Variants in ASAP1 observed in about 807,000 individuals in gnomAD.
ASAP1 encodes the protein arf-GAP with SH3 domain, ANK repeat and PH domain-containing protein 1.
Under a neutral mutation model 145.2 loss-of-function variants are expected in ASAP1, and 43 were observed. The observed-to-expected ratio is 0.30, with a 90% CI of 0.23 to 0.38. The LOEUF (loss-of-function observed/expected upper bound fraction) is 0.38. ASAP1 is among the 10% of genes least tolerant of loss of function. ASAP1 has a pLI of 1.00. For synonymous variants in ASAP1, 546 were observed against 515.5 expected, an observed-to-expected ratio of 1.06 and a Z score of -0.80; for missense variants, 1,018 against 1,355.3, an observed-to-expected ratio of 0.75 and a Z score of 3.91.
In ASAP1 at chr8:130,347,150, A is replaced by C. The variant is rs77269502; in HGVS notation, c.186+10867T>G. 4.6e-5 allele frequency among the ~76,000 whole-genome samples: 7 copies of C among 152,366 alleles called. No homozygotes were observed. In the East Asian group the frequency reaches 9.6e-4, roughly 21 times the overall value. On this transcript the variant is annotated intron_variant, in intron 3 of 29. Transcript: ENST00000518721. ...GCCTGGTCTTCCATCCATCCTGGAT[A>C]TCTACGGAAAGATTATTCAAGGAGC...
intron 4 of ASAP1, among the ~76,000 whole-genome samples, chr8:130,219,930 C>T (rs1250032707): frequency 6.6e-6 from 1 of 152,158 alleles, no homozygotes; most frequent in Non-Finnish European, 1.5e-5. Context: ...GCTGGGACTA[C>T]AGGCACATGC....
At chr8:130,300,176 A>AGC (rs1324094074) in intron 3 of ASAP1, among the ~76,000 whole-genome samples, 25 of 149,442 alleles carry the variant, frequency 1.7e-4, no homozygotes, top group Middle Eastern at 3.4e-3. Context: ...AGAGAGAGAG[A>AGC]GAGAGAGAGA....
chr8:130,141,963 C>T (rs1184438789), intron 13 of ASAP1, among the ~76,000 whole-genome samples: 1 of 152,178 alleles, frequency 6.6e-6, no homozygotes, highest in Admixed American at 6.5e-5. Flanking sequence ...AGTGATCCTC[C>T]TGCCTCAGCC....
chr8:130,195,728 C>G (rs761180746), intron 5 of ASAP1, among the ~76,000 whole-genome samples: 1 of 152,154 alleles, frequency 6.6e-6, no homozygotes, highest in African/African-American at 2.4e-5. Flanking sequence ...CTTAAGGAAG[C>G]AAGTGACTGT....
intron 5 of ASAP1, among the ~76,000 whole-genome samples, chr8:130,200,703 C>T (rs527574819): frequency 6.6e-6 from 1 of 152,224 alleles, no homozygotes; most frequent in South Asian, 2.1e-4. Flanking sequence ...TTTCTCCCTA[C>T]ATTTTCTGAG....
intron 2 of ASAP1, among the ~76,000 whole-genome samples, chr8:130,384,674 G>T (rs1473966427): frequency 6.6e-6 from 1 of 152,098 alleles, no homozygotes; most frequent in Admixed American, 6.6e-5. Flanking sequence ...TAGAGATGGG[G>T]TTTCACCATG....
chr8:130,358,638 G>C lies in ASAP1; in HGVS notation c.60-495C>G, dbSNP rs1326295329. 1.4e-5 allele frequency among the ~76,000 whole-genome samples: 2 copies of C among 147,096 alleles called. No homozygotes were observed. Among genetic ancestry groups the C allele is most frequent in the African/African-American group, 2.4e-5 (1 of 40,890 alleles). Reference sequence around the variant, plus strand: ...GCGGGCGGGCGGGCGGGCGGCGCTCGCGCTGCAGTCACGGGGCCAAACAAG... The same window carrying C: ...GCGGGCGGGCGGGCGGGCGGCGCTCCCGCTGCAGTCACGGGGCCAAACAAG... On this transcript the variant is annotated intron_variant, in intron 2 of 29. Transcript: ENST00000518721. The surrounding 1 kb of genome is among the most constrained non-coding windows in gnomAD (Gnocchi z 4.1).
At chr8:130,072,160 T>A (rs1188204101) in intron 27 of ASAP1, among the ~76,000 whole-genome samples, 1 of 152,244 alleles carries the variant, frequency 6.6e-6, no homozygotes, top group Non-Finnish European at 1.5e-5. Flanking sequence ...CAGGGTTCAG[T>A]GAGCCTCTGG....
At chr8:130,319,643 G>GC (rs1823880158) in intron 3 of ASAP1, among the ~76,000 whole-genome samples, 1 of 152,202 alleles carries the variant, frequency 6.6e-6, no homozygotes. Context: ...CCTAGACCCA[G>GC]CAACTCTACT....
chr8:130,172,553 C>T (rs1344905964), intron 9 of ASAP1, among the ~76,000 whole-genome samples: 2 of 152,064 alleles, frequency 1.3e-5, no homozygotes, highest in Non-Finnish European at 2.9e-5. Flanking sequence ...CTAGTCACAT[C>T]TGGCTATTAA....
intron 8 of ASAP1, among the ~76,000 whole-genome samples, chr8:130,179,781 C>G (rs1464411880): frequency 6.6e-6 from 1 of 151,932 alleles, no homozygotes; most frequent in Non-Finnish European, 1.5e-5. Context: ...TTTTACTACT[C>G]AAAAATTAAA....
chr8:130,233,043 C>T (rs1032185538), intron 4 of ASAP1, among the ~76,000 whole-genome samples: 1 of 152,170 alleles, frequency 6.6e-6, no homozygotes, highest in Admixed American at 6.5e-5. Context: ...TGTCATAGTG[C>T]TGCCCACAAA....
At chr8:130,086,766 T>C (rs1351335460) in intron 25 of ASAP1, among the ~76,000 whole-genome samples, 1 of 152,180 alleles carries the variant, frequency 6.6e-6, no homozygotes, top group Non-Finnish European at 1.5e-5. Context: ...ATCACGCCAC[T>C]GCACTCCAGC....
chr8:130,072,821 G>GCGCA lies in ASAP1; in HGVS notation c.2701+3526_2701+3527insTGCG, dbSNP rs1564927941. On this transcript the variant is annotated intron_variant, in intron 27 of 29. Coordinates refer to ENST00000518721, the MANE Select transcript of ASAP1 (RefSeq NM_018482.4). ...TGTGTGTGTGTGTGTGTGTGTGTGT[G>GCGCA]TGTGCGCGCGGGGGGGGGCAGTTTT... is the stretch of plus-strand genomic sequence containing the variant. 3.5e-4 allele frequency among the ~76,000 whole-genome samples: 25 copies of GCGCA among 70,902 alleles called. 1 individual carries two copies. Among genetic ancestry groups the GCGCA allele is most frequent in the African/African-American group, 1.5e-3 (24 of 15,540 alleles). The allele number at this position is 70,902 out of a possible 152,430, so 46.5% of individuals were successfully genotyped here.
intron 1 of ASAP1, among the ~76,000 whole-genome samples, chr8:130,408,587 A>C (rs1157197737): frequency 1.3e-5 from 2 of 152,126 alleles, no homozygotes; most frequent in African/African-American, 2.4e-5. Flanking sequence ...CAGCCTCCAT[A>C]ATCAATTCCA....
intron 1 of ASAP1, among the ~76,000 whole-genome samples, chr8:130,405,039 T>C (rs182346263): frequency 2.8e-4 from 42 of 151,912 alleles, no homozygotes; most frequent in Non-Finnish European, 1.8e-4. Flanking sequence ...AGCATGAAGA[T>C]ACATATCTGC....
At chr8:130,122,013 T>G (rs1013476962) in intron 18 of ASAP1, among the ~76,000 whole-genome samples, 1 of 152,060 alleles carries the variant, frequency 6.6e-6, no homozygotes, top group Non-Finnish European at 1.5e-5. Flanking sequence ...AGCTCAAATA[T>G]GCCTTACTGC....
chr8:130,101,668 G>A (rs1002952587), intron 24 of ASAP1, among the ~76,000 whole-genome samples: 11 of 149,260 alleles, frequency 7.4e-5, no homozygotes, highest in African/African-American at 2.0e-4. Flanking sequence ...ATGCTCAAGC[G>A]ATCTTTTCAC....
intron 2 of ASAP1, among the ~76,000 whole-genome samples, chr8:130,372,130 C>T (rs2138294843): frequency 6.6e-6 from 1 of 152,316 alleles, no homozygotes; most frequent in South Asian, 2.1e-4. Context: ...TCACCAAGTA[C>T]AGGCATTACA....
Sources: allele counts gnomAD v4.1 joint callset (sites outside exome capture counted in the v4.1 genomes callset), GRCh38; gene constraint gnomAD v4.1.1; non-coding constraint Gnocchi (gnomAD v3.1); transcripts MANE v1.5; gene names NCBI Gene and HGNC (gene_info 2026-07-23, HGNC 2026-07-21).